Variants in FHIT observed in about 807,000 individuals in gnomAD.
FHIT encodes the protein fragile histidine triad diadenosine triphosphatase.
A neutral mutation model predicts 17.9 loss-of-function variants in FHIT; 19 were observed. The ratio of observed to expected loss-of-function variants is 1.06; its 90% CI spans 0.74 to 1.56. FHIT has a LOEUF of 1.56. Among genes scored for constraint, FHIT ranks in the 40% most tolerant of loss-of-function variants. The pLI is 0.00. For synonymous variants in FHIT, 81 were observed against 69.7 expected (o/e 1.16, Z -0.81); for missense variants, 248 against 189.2 (o/e 1.31, Z -1.82).
chr3:60,473,389 G>A (rs1274269129), intron 5 of FHIT, among the ~76,000 whole-genome samples: 1 of 152,052 alleles, frequency 6.6e-6, no homozygotes, highest in East Asian at 1.9e-4. Flanking sequence ...CAAGAGAGAG[G>A]GACAATCTGA....
chr3:60,132,746 T>A (rs975140582), intron 5 of FHIT, among the ~76,000 whole-genome samples: 1 of 152,122 alleles, frequency 6.6e-6, no homozygotes, highest in Non-Finnish European at 1.5e-5. Flanking sequence ...ATTGTCATGC[T>A]GATTTTTATG....
chr3:60,847,854 G>A (rs1318565847), intron 3 of FHIT, among the ~76,000 whole-genome samples: 1 of 151,942 alleles, frequency 6.6e-6, no homozygotes, highest in Admixed American at 6.6e-5. Context: ...CTCCCTCCAG[G>A]GTATTTCTTT....
At chr3:60,079,386 A>G (rs1703175351) in intron 5 of FHIT, among the ~76,000 whole-genome samples, 1 of 152,120 alleles carries the variant, frequency 6.6e-6, no homozygotes, top group South Asian at 2.1e-4. Flanking sequence ...GATGAAAGCA[A>G]TCGTGGGTGG....
rs145535864 is a variant in FHIT at position 59,871,859 on chromosome 3, T to C, written c.348+50487A>G. ...CTCCCAGAACAGAAACTAGCTGACA[T>C]TTTGGAGGCAAAGTCTGTTTCTCTT... On this transcript the variant is annotated intron_variant, in intron 8 of 9. Transcript: ENST00000492590. Among the ~76,000 whole-genome samples, 134 of 152,322 alleles carry C rather than the reference T, an allele frequency of 8.8e-4. 2 individuals carry two copies. Among genetic ancestry groups the C allele is most frequent in the African/African-American group, 2.8e-3 (116 of 41,576 alleles).
chr3:59,850,767 T>C (rs1429794206), intron 8 of FHIT, among the ~76,000 whole-genome samples: 1 of 152,138 alleles, frequency 6.6e-6, no homozygotes, highest in Non-Finnish European at 1.5e-5. Context: ...ACCTTGTGGG[T>C]GTGACTTGCC....
At chr3:60,551,484 A>AG in intron 4 of FHIT, among the ~76,000 whole-genome samples, 1 of 5,602 alleles carries the variant, frequency 1.8e-4, no homozygotes, top group East Asian at 5.1e-3. Flanking sequence ...GAGAGAGGGT[A>AG]GGGGAGAGGG....
chr3:60,159,549 G>T (rs151192294), intron 5 of FHIT, among the ~76,000 whole-genome samples: 1 of 152,232 alleles, frequency 6.6e-6, no homozygotes, highest in African/African-American at 2.4e-5. Context: ...ACCACAATAC[G>T]TTAAAAAGCA....
At chr3:60,577,568 C>T (rs1285871766) in intron 4 of FHIT, among the ~76,000 whole-genome samples, 2 of 152,048 alleles carry the variant, frequency 1.3e-5, no homozygotes, top group South Asian at 4.1e-4. Flanking sequence ...CAAATAATCC[C>T]AAAAGTGTAT....
intron 7 of FHIT, among the ~76,000 whole-genome samples, chr3:59,936,559 C>A (rs767928553): frequency 1.3e-5 from 2 of 152,156 alleles, no homozygotes; most frequent in African/African-American, 4.8e-5. Context: ...TTCGAGGCAG[C>A]TCTGTGGCTT....
chr3:60,479,440 G>C (rs1246532624), intron 5 of FHIT, among the ~76,000 whole-genome samples: 1 of 152,180 alleles, frequency 6.6e-6, no homozygotes, highest in Non-Finnish European at 1.5e-5. Context: ...GGTCCTATAA[G>C]ATTATAATGT....
intron 5 of FHIT, among the ~76,000 whole-genome samples, chr3:60,418,081 T>C (rs571107724): frequency 2.0e-5 from 3 of 152,128 alleles, no homozygotes; most frequent in African/African-American, 7.2e-5. Flanking sequence ...CTTGTTGCAA[T>C]TAATATTATA....
At chr3:60,544,500 C>A (rs1380822039) in intron 4 of FHIT, among the ~76,000 whole-genome samples, 1 of 151,988 alleles carries the variant, frequency 6.6e-6, no homozygotes, top group Admixed American at 6.6e-5. Context: ...ATTAATTCAA[C>A]TCCGTCACAA....
intron 8 of FHIT, among the ~76,000 whole-genome samples, chr3:59,754,469 T>G (rs1701096473): frequency 6.6e-6 from 1 of 152,210 alleles, no homozygotes; most frequent in African/African-American, 2.4e-5. Flanking sequence ...ATTTTCATTT[T>G]GATACTACCT....
chr3:59,877,802 C>A (rs1703231781), intron 8 of FHIT, among the ~76,000 whole-genome samples: 1 of 152,096 alleles, frequency 6.6e-6, no homozygotes, highest in South Asian at 2.1e-4. Context: ...ATCAAAATGA[C>A]AAATTCAAAT....
At chr3:60,797,482 TA>T (rs1701025113) in intron 4 of FHIT, among the ~76,000 whole-genome samples, 2 of 141,768 alleles carry the variant, frequency 1.4e-5, no homozygotes, top group African/African-American at 5.0e-5. Context: ...GTAGTAGTAG[TA>T]GTAGTAGTAG....
At chr3:61,075,569 A>G (rs2106756014) in intron 2 of FHIT, among the ~76,000 whole-genome samples, 1 of 152,216 alleles carries the variant, frequency 6.6e-6, no homozygotes, top group African/African-American at 2.4e-5. Context: ...GAACACAAAC[A>G]ATCCTTTTCA....
chr3:59,772,168 T>C (rs1384470309), intron 8 of FHIT, among the ~76,000 whole-genome samples: 1 of 152,184 alleles, frequency 6.6e-6, no homozygotes, highest in Non-Finnish European at 1.5e-5. Context: ...CATTCACTAA[T>C]CTACATTCCA....
intron 3 of FHIT, among the ~76,000 whole-genome samples, chr3:61,001,116 A>G (rs1433397638): frequency 6.6e-6 from 1 of 152,214 alleles, no homozygotes; most frequent in Non-Finnish European, 1.5e-5. Flanking sequence ...ATATTGTTAC[A>G]TATCTATCAG....
chr3:60,522,650 T>A lies in FHIT; in HGVS notation c.103+14210A>T, dbSNP rs1475615393. Reference sequence around the variant, plus strand: ...ATATTTTTGAGAAACAGCCTCCATGTGCATTGGAAGGATGTTTTGAGAATG... The same window carrying A: ...ATATTTTTGAGAAACAGCCTCCATGAGCATTGGAAGGATGTTTTGAGAATG... On this transcript the variant is annotated intron_variant, in intron 5 of 9. Coordinates refer to ENST00000492590, the MANE Select transcript of FHIT (RefSeq NM_002012.4). Among the ~76,000 whole-genome samples, 3 of 152,176 alleles carry A rather than the reference T, an allele frequency of 2.0e-5. No homozygotes were observed. The South Asian group carries it at 6.2e-4, about 32-fold the overall frequency.
Sources: gnomAD v4.1 joint callset for allele counts (sites outside exome capture counted in the v4.1 genomes callset) on GRCh38, gnomAD v4.1.1 for gene constraint, MANE v1.5 for transcripts, NCBI Gene and HGNC (gene_info 2026-07-23, HGNC 2026-07-21) for gene names.